Variants in TMC1 observed in about 807,000 individuals in gnomAD.
The protein encoded by TMC1 is transmembrane channel-like protein 1.
In TMC1, 84 loss-of-function variants were observed where a neutral mutation model predicts 105.8. The ratio of observed to expected loss-of-function variants is 0.79; its 90% CI spans 0.67 to 0.95. The LOEUF is 0.95. TMC1 is among the 40% of genes least tolerant of loss of function. The pLI is 0.00. For missense variants in TMC1, 817 were observed against 914.1 expected (o/e 0.89, Z 1.37); for synonymous variants, 315 against 311.5 (o/e 1.01, Z -0.12).
chr9:72,567,544 G>A (rs902040418), intron 1 of TMC1, among the ~76,000 whole-genome samples: 7 of 152,154 alleles, frequency 4.6e-5, no homozygotes, highest in Non-Finnish European at 8.8e-5. Flanking sequence ...ACCTCTTCAC[G>A]GGGTGGCGGG....
At chr9:72,786,847 C>T (rs1368257425) in intron 13 of TMC1, among the ~76,000 whole-genome samples, 2 of 152,122 alleles carry the variant, frequency 1.3e-5, no homozygotes, top group East Asian at 1.9e-4. Flanking sequence ...AAAACTTTGC[C>T]AGTGATAAAA....
chr9:72,618,005 G>T (rs1008819472), intron 3 of TMC1, among the ~76,000 whole-genome samples: 9 of 144,110 alleles, frequency 6.2e-5, no homozygotes, highest in African/African-American at 2.3e-4. Context: ...ATAGGAGCGA[G>T]ACTTCTCTGG....
chr9:72,676,162 C>T lies in TMC1; in HGVS notation c.17-12547C>T, dbSNP rs79770923. Among the ~76,000 whole-genome samples, 1,024 of 152,156 alleles carry T rather than the reference C, an allele frequency of 6.7e-3. 5 individuals are homozygous for T. Among genetic ancestry groups the T allele is most frequent in the Non-Finnish European group, 7.9e-3 (537 of 68,014 alleles). ...TGACATCATCAAGAGCAGACATTGG[C>T]GTTGGAGTTAAGAGTATCAAGAGAG... On this transcript the variant is annotated intron_variant, in intron 5 of 23. Coordinates refer to ENST00000297784, the MANE Select transcript of TMC1 (RefSeq NM_138691.3).
intron 17 of TMC1, 40 bp from the exon 18 acceptor site, chr9:72,805,342 G>T: frequency 6.2e-7 from 1 of 1,610,044 alleles, no homozygotes; most frequent in South Asian, 1.1e-5. Flanking sequence ...ACCATTTGAA[G>T]ACAGAACTGT....
chr9:72,769,297 AC>A (rs1017181867), intron 12 of TMC1, among the ~76,000 whole-genome samples: 26 of 152,224 alleles, frequency 1.7e-4, no homozygotes, highest in African/African-American at 4.6e-4. Flanking sequence ...CCCTTGTCCA[AC>A]AAGATTGTGA....
intron 1 of TMC1, among the ~76,000 whole-genome samples, chr9:72,575,989 C>T (rs757714561): frequency 5.3e-5 from 8 of 152,014 alleles, no homozygotes; most frequent in South Asian, 2.1e-4. Flanking sequence ...AGAAATAACT[C>T]GTTGGGGAAG....
At chr9:72,724,488 A>C (rs1312520555) in intron 8 of TMC1, among the ~76,000 whole-genome samples, 1 of 152,208 alleles carries the variant, frequency 6.6e-6, no homozygotes, top group Non-Finnish European at 1.5e-5. Context: ...ATGGCAATTA[A>C]GTTTCCAATA....
At chr9:72,607,815 A>G (rs972415406) in intron 2 of TMC1, 2 of 152,028 alleles carry the variant, frequency 1.3e-5, no homozygotes, top group Non-Finnish European at 2.9e-5. Flanking sequence ...TTCCCCAAAT[A>G]GGAAATAACA....
At chr9:72,673,588 G>A (rs1052719341) in intron 5 of TMC1, among the ~76,000 whole-genome samples, 1 of 151,936 alleles carries the variant, frequency 6.6e-6, no homozygotes, top group Non-Finnish European at 1.5e-5. Flanking sequence ...GAGAAAAGTG[G>A]CATCATTACA....
chr9:72,616,154 T>C (rs1327420163), intron 2 of TMC1: 5 of 152,212 alleles, frequency 3.3e-5, no homozygotes, highest in African/African-American at 1.2e-4. Context: ...TTTGCCAGCA[T>C]GGAACATTCA....
At chr9:72,684,298 G>T (rs1190884757) in intron 5 of TMC1, among the ~76,000 whole-genome samples, 1 of 151,934 alleles carries the variant, frequency 6.6e-6, no homozygotes, top group African/African-American at 2.4e-5. Context: ...CCACACAACT[G>T]CACTAAACAT....
chr9:72,599,865 G>A (rs1429219848), intron 2 of TMC1, among the ~76,000 whole-genome samples: 1 of 151,920 alleles, frequency 6.6e-6, no homozygotes, highest in Non-Finnish European at 1.5e-5. Context: ...ACTTTTTGCT[G>A]TCAGTAAAAG....
chr9:72,728,311 T>A (rs867208815), intron 8 of TMC1, among the ~76,000 whole-genome samples: 1 of 152,164 alleles, frequency 6.6e-6, no homozygotes, highest in South Asian at 2.1e-4. Context: ...TAAGGACTAT[T>A]TAGTAAAGCT....
At chr9:72,573,840 T>C (rs1824329173) in intron 1 of TMC1, among the ~76,000 whole-genome samples, 1 of 152,220 alleles carries the variant, frequency 6.6e-6, no homozygotes. Flanking sequence ...ATTGGTTACA[T>C]AGGTAAACTC....
At chr9:72,536,509 T>C (rs1823588450) in intron 1 of TMC1, among the ~76,000 whole-genome samples, 1 of 152,114 alleles carries the variant, frequency 6.6e-6, no homozygotes, top group African/African-American at 2.4e-5. Flanking sequence ...ATTTTTTGTA[T>C]TTTTAGTAGA....
At chr9:72,694,790 A>G in intron 7 of TMC1, 76 bp downstream of exon 7, 1 of 1,462,622 alleles carries the variant, frequency 6.8e-7, no homozygotes, top group South Asian at 1.2e-5. Context: ...CTTTGACCTT[A>G]AAATTGGTAA....
chr9:72,568,334 T>G (rs1354827325), intron 1 of TMC1, among the ~76,000 whole-genome samples: 2 of 152,202 alleles, frequency 1.3e-5, no homozygotes, highest in African/African-American at 4.8e-5. Flanking sequence ...TTTCTTACAC[T>G]TTTGGCTCTG....
chr9:72,720,219 G>C (rs1222849728), intron 8 of TMC1, among the ~76,000 whole-genome samples: 2 of 152,188 alleles, frequency 1.3e-5, no homozygotes, highest in South Asian at 2.1e-4. Context: ...ATTTAAGCTT[G>C]TTGTGTGGAA....
At chr9:72,784,914 G>A (rs1828145895) in intron 13 of TMC1, among the ~76,000 whole-genome samples, 1 of 152,122 alleles carries the variant, frequency 6.6e-6, no homozygotes, top group Non-Finnish European at 1.5e-5. Flanking sequence ...GCAAAGAAGA[G>A]AACAATAGAC....
Sources: gnomAD v4.1 joint callset for allele counts (sites outside exome capture counted in the v4.1 genomes callset) on GRCh38, gnomAD v4.1.1 for gene constraint, MANE v1.5 for transcripts, NCBI Gene and HGNC (gene_info 2026-07-23, HGNC 2026-07-21) for gene names.